Variants in JAK1 observed in about 807,000 individuals in gnomAD.
JAK1 encodes the protein Janus kinase 1.
JAK1 carries 16 observed loss-of-function variants against 136.6 expected under a neutral mutation model. That is an observed-to-expected ratio of 0.12 (90% confidence interval 0.08 to 0.18). The LOEUF is 0.18. Among genes scored for constraint, JAK1 ranks in the 10% least tolerant of loss-of-function variants. The pLI is 1.00. For synonymous variants in JAK1, 492 were observed against 519.5 expected (o/e 0.95, Z 0.72); for missense variants, 859 against 1,450.1 (o/e 0.59, Z 6.62).
rs143745533 is a variant in JAK1, at chr1:65,037,047, G to A, written c.-78+7433C>T. On this transcript the variant is annotated intron_variant, in intron 2 of 25. Coordinates refer to the JAK1 transcript ENST00000671954. ...CAAAAAATTTAATAATTAGCAGGGC[G>A]TGGTAGCACATACCTATAGTCCCAG... Among the ~76,000 whole-genome samples the A allele has an allele frequency of 6.0e-4, 91 of 152,246 alleles. 2 individuals carry two copies. The East Asian group carries it at 0.015, about 25-fold the overall frequency.
chr1:64,887,559 A>G (rs1294907873), intron 1 of JAK1, among the ~76,000 whole-genome samples: 1 of 152,206 alleles, frequency 6.6e-6, no homozygotes, highest in Non-Finnish European at 1.5e-5. Context: ...CAAGGGCAAT[A>G]CGGTCCCTGC....
At chr1:64,976,043 G>A (rs1018265249) in intron 2 of JAK1, among the ~76,000 whole-genome samples, 21 of 152,224 alleles carry the variant, frequency 1.4e-4, no homozygotes, top group African/African-American at 5.1e-4. Context: ...TTTGGGGACT[G>A]GAAGGACAGT....
intron 8 of JAK1, among the ~76,000 whole-genome samples, chr1:64,860,981 T>TGTGTGTGTGTGTGTG (rs1656294523): frequency 7.6e-6 from 1 of 130,942 alleles, no homozygotes; most frequent in Non-Finnish European, 1.6e-5. Context: ...TGTGTGTGTG[T>TGTGTGTGTGTGTGTG]TGGGGGTGAC....
intron 1 of JAK1, among the ~76,000 whole-genome samples, chr1:64,939,739 A>G (rs960260655): frequency 1.6e-4 from 24 of 152,148 alleles, no homozygotes; most frequent in Admixed American, 9.8e-4. Flanking sequence ...TTCATTCTGC[A>G]CTCTGAAATC....
chr1:64,979,781 T>C (rs1009131795), intron 2 of JAK1: 2 of 152,178 alleles, frequency 1.3e-5, no homozygotes, highest in African/African-American at 2.4e-5. Context: ...GACATAAATG[T>C]CATAAGATTT....
chr1:65,064,249 A>T (rs1647944957), intron 1 of JAK1, among the ~76,000 whole-genome samples: 1 of 152,246 alleles, frequency 6.6e-6, no homozygotes, highest in South Asian at 2.1e-4. Context: ...AATAAAATTT[A>T]AAATTGAGCT....
chr1:64,975,142 G>A (rs1183952237), intron 2 of JAK1, among the ~76,000 whole-genome samples: 1 of 151,850 alleles, frequency 6.6e-6, no homozygotes, highest in African/African-American at 2.4e-5. Flanking sequence ...GGGCTGGAGT[G>A]GAGTGGCTAT....
At chr1:64,861,640 T>A (rs1052442000) in intron 8 of JAK1, among the ~76,000 whole-genome samples, 12 of 152,044 alleles carry the variant, frequency 7.9e-5, no homozygotes, top group African/African-American at 2.9e-4. Context: ...GAGAGGCAGG[T>A]GGCAGAAATG....
intron 2 of JAK1, among the ~76,000 whole-genome samples, chr1:64,983,307 T>A (rs904765218): frequency 3.9e-5 from 6 of 152,084 alleles, no homozygotes; most frequent in African/African-American, 1.4e-4. Context: ...TCAATCCCCC[T>A]AAGGGCACTC....
chr1:64,857,729 A>T lies in JAK1; in HGVS notation c.1385T>A (p.Met462Lys). Residue 462 changes from methionine to lysine, a missense_variant, in exon 10 of 25, where the codon ATG becomes AAG. Transcript: ENST00000342505. ...KLRQEGSEEG[M>K]YVLRWSCTDF... ...GGTGCAGCTCCACCTCAGCACGTAC[A>T]TCCCCTCCTCGCTTCCTTCTTGCCG... The T allele has an allele frequency of 6.2e-7, 1 of 1,614,170 alleles. No individual in the cohort carries two copies. The highest frequency in any genetic ancestry group is 8.5e-7 in the Non-Finnish European group (1 of 1,180,018).
At chr1:64,919,651 T>C (rs918330359) in intron 1 of JAK1, among the ~76,000 whole-genome samples, 3 of 152,200 alleles carry the variant, frequency 2.0e-5, no homozygotes, top group African/African-American at 7.2e-5. Flanking sequence ...AGTGTTCCTA[T>C]TTCTCCACAT....
intron 2 of JAK1, among the ~76,000 whole-genome samples, chr1:64,883,937 T>C (rs1199510091): frequency 6.6e-6 from 1 of 152,280 alleles, no homozygotes; most frequent in South Asian, 2.1e-4. Context: ...TTTAATTTCA[T>C]GTCCATCTCC....
chr1:64,901,677 T>A (rs950831869), intron 1 of JAK1, among the ~76,000 whole-genome samples: 5 of 152,208 alleles, frequency 3.3e-5, no homozygotes, highest in African/African-American at 1.2e-4. Context: ...AATTTTTAAC[T>A]TATTTTTTAG....
upstream of JAK1, among the ~76,000 whole-genome samples, chr1:64,967,423 A>C (rs1049179063): frequency 6.6e-6 from 1 of 152,152 alleles, no homozygotes; most frequent in Non-Finnish European, 1.5e-5. Context: ...ATTCTCTACA[A>C]TGAACTTTTA....
intron 2 of JAK1, among the ~76,000 whole-genome samples, chr1:64,885,963 A>T (rs1644846582): frequency 6.6e-6 from 1 of 152,246 alleles, no homozygotes; most frequent in African/African-American, 2.4e-5. Context: ...CAACATGTAT[A>T]ATATGATTAT....
chr1:64,944,810 G>A (rs949549791), intron 1 of JAK1, among the ~76,000 whole-genome samples: 9 of 152,082 alleles, frequency 5.9e-5, no homozygotes, highest in Non-Finnish European at 8.8e-5. Flanking sequence ...GAGTCCAAGT[G>A]ATTTTTGTCT....
chr1:64,968,395 A>G (rs1300853277), upstream of JAK1, among the ~76,000 whole-genome samples: 1 of 152,190 alleles, frequency 6.6e-6, no homozygotes, highest in African/African-American at 2.4e-5. Flanking sequence ...AATGGTGATC[A>G]CAGAAGACAG....
chr1:64,936,307 C>T (rs1189539580), intron 1 of JAK1, among the ~76,000 whole-genome samples: 15 of 152,174 alleles, frequency 9.9e-5, no homozygotes, highest in Admixed American at 9.2e-4. Context: ...TACATTTACC[C>T]TCAACTCCAC....
chr1:65,024,008 A>G (rs531660582), intron 2 of JAK1, among the ~76,000 whole-genome samples: 40 of 150,872 alleles, frequency 2.7e-4, no homozygotes, highest in Non-Finnish European at 5.2e-4. Flanking sequence ...TGTTTATCCA[A>G]TCTCCTATTG....
Sources: gnomAD v4.1 joint callset for allele counts (sites outside exome capture counted in the v4.1 genomes callset) on GRCh38, gnomAD v4.1.1 for gene constraint, MANE v1.5 for transcripts, NCBI Gene and HGNC (gene_info 2026-07-23, HGNC 2026-07-21) for gene names.